Variants in MYO5B observed in about 807,000 individuals in gnomAD.
The protein encoded by MYO5B is unconventional myosin-Vb.
A neutral mutation model predicts 229.3 loss-of-function variants in MYO5B; 143 were observed. The observed-to-expected ratio is 0.62, with a 90% CI of 0.54 to 0.72. MYO5B has a LOEUF of 0.72. MYO5B is among the 30% of genes least tolerant of loss of function. The pLI is 0.00. For synonymous variants in MYO5B, 918 were observed against 885.2 expected (o/e 1.04, Z -0.66); for missense variants, 2,321 against 2,331.0 (o/e 1.00, Z 0.09).
intron 8 of MYO5B, among the ~76,000 whole-genome samples, chr18:49,981,507 G>A (rs1005411229): frequency 5.3e-5 from 8 of 152,178 alleles, no homozygotes; most frequent in African/African-American, 1.9e-4. Flanking sequence ...AGGCTTTTAT[G>A]TTAGATGGCC....
Position 49,929,788 on chromosome 18 carries a change from A to G in MYO5B, c.2004-190T>C, listed in dbSNP as rs909648280. ...GACTAAAAGACACCAATGTGCAGGCACCTGAGCCATCTCAGCATCTTCTGT... is the reference window on the plus strand; with the variant it reads ...GACTAAAAGACACCAATGTGCAGGCGCCTGAGCCATCTCAGCATCTTCTGT... On this transcript the variant is annotated intron_variant, in intron 16 of 39. Transcript: ENST00000285039. Among the ~76,000 whole-genome samples, 3 of 152,138 alleles carry G rather than the reference A, an allele frequency of 2.0e-5. No individual in the cohort carries two copies. The East Asian group carries it at 5.8e-4, about 29-fold the overall frequency.
chr18:50,003,780 G>A (rs2144330745), intron 4 of MYO5B, among the ~76,000 whole-genome samples: 1 of 152,314 alleles, frequency 6.6e-6, no homozygotes, highest in Non-Finnish European at 1.5e-5. Flanking sequence ...GATAAGTTTA[G>A]AATGTATCTA....
At chr18:50,106,059 C>T (rs552927970) in intron 1 of MYO5B, among the ~76,000 whole-genome samples, 4 of 152,162 alleles carry the variant, frequency 2.6e-5, no homozygotes, top group Non-Finnish European at 5.9e-5. Flanking sequence ...CCCCTGCATC[C>T]TCCGCCTGCT....
intron 4 of MYO5B, among the ~76,000 whole-genome samples, chr18:50,003,679 G>A (rs1044971662): frequency 2.6e-5 from 4 of 152,096 alleles, no homozygotes; most frequent in Admixed American, 6.5e-5. Context: ...AACTTCCTGG[G>A]TATCTGCAAT....
At chr18:50,020,644 G>C (rs1026385067) in intron 4 of MYO5B, among the ~76,000 whole-genome samples, 19 of 152,236 alleles carry the variant, frequency 1.2e-4, no homozygotes, top group Non-Finnish European at 7.3e-5. Flanking sequence ...AAGACACGCA[G>C]CAAGGATGTG....
Position 49,836,761 on chromosome 18 carries a change from C to G in MYO5B, c.5263G>C (p.Glu1755Gln). 1 of 1,614,144 alleles carries G rather than the reference C, an allele frequency of 6.2e-7. No individual in the cohort carries two copies. The highest frequency in any genetic ancestry group is 2.2e-5 in the East Asian group (1 of 44,888). The part of the protein sequence containing the change: ...QLLQLKKKTQ[E>Q]DAEAICSLCT... ...AGGGAGCAGATAGCCTCTGCGTCCT[C>G]CTGGGTTTTCTTCTTTAATTGCAGG... The change falls in exon 38 of 40, where the codon GAG (glutamate) becomes CAG (glutamine). Residue 1755 changes from glutamate to glutamine, a missense_variant. Physicochemically the swap from Glu to Gln is conservative, Grantham distance 29. Coordinates refer to ENST00000285039, the MANE Select transcript of MYO5B (RefSeq NM_001080467.3).
intron 4 of MYO5B, among the ~76,000 whole-genome samples, chr18:50,008,142 A>C (rs557446437): frequency 5.3e-5 from 8 of 152,204 alleles, no homozygotes; most frequent in Non-Finnish European, 1.0e-4. Context: ...ACTTAGCCTC[A>C]GTGTAAGTTT....
intron 22 of MYO5B, among the ~76,000 whole-genome samples, chr18:49,886,957 T>C (rs1239213244): frequency 6.6e-6 from 1 of 152,162 alleles, no homozygotes; most frequent in Non-Finnish European, 1.5e-5. Context: ...GGTTTGGACG[T>C]TCATTTCCTC....
rs1347932752 is a variant in MYO5B, at chr18:50,132,649, G to A, written c.27+62118C>T. 5.9e-5 allele frequency among the ~76,000 whole-genome samples: 9 copies of A among 152,072 alleles called. No individual in the cohort carries two copies. The South Asian group carries it at 8.3e-4, about 14-fold the overall frequency. On this transcript the variant is annotated intron_variant, in intron 1 of 39. Coordinates refer to ENST00000285039, the MANE Select transcript of MYO5B (RefSeq NM_001080467.3). ...CTCTTCTCTGCCATCTCTCTTCCTG[G>A]GAATAGGGTTGCCTGCTCAGAATTA...
intron 1 of MYO5B, among the ~76,000 whole-genome samples, chr18:50,073,935 T>C (rs950007037): frequency 6.6e-6 from 1 of 152,148 alleles, no homozygotes; most frequent in African/African-American, 2.4e-5. Flanking sequence ...TCCTTCTCCA[T>C]TCACCCTGCC....
intron 1 of MYO5B, among the ~76,000 whole-genome samples, chr18:50,149,426 T>G (rs2032558963): frequency 6.6e-6 from 1 of 152,094 alleles, no homozygotes; most frequent in Admixed American, 6.5e-5. Flanking sequence ...GCTACCTGAC[T>G]TCAAACTATA....
Position 50,011,074 on chromosome 18 carries a change from G to A in MYO5B, c.456-9663C>T, listed in dbSNP as rs575115099. On this transcript the variant is annotated intron_variant, in intron 4 of 39. Transcript: ENST00000285039. ...GGGCATCATGGTGGCTGGGTGCAGT[G>A]GCTCACGTCTGTAATCCCAGCACTT... Among the ~76,000 whole-genome samples, 4 of 152,282 alleles carry A rather than the reference G, an allele frequency of 2.6e-5. No homozygotes were observed. In the East Asian group the frequency reaches 7.7e-4, roughly 29 times the overall value.
At chr18:49,903,271 GT>G (rs946635428) in intron 20 of MYO5B, among the ~76,000 whole-genome samples, 110 of 147,076 alleles carry the variant, frequency 7.5e-4, no homozygotes, top group Middle Eastern at 3.5e-3. Context: ...GTAATTCACT[GT>G]TTTTTTTTTT....
intron 25 of MYO5B, among the ~76,000 whole-genome samples, chr18:49,877,144 C>CAT (rs2024534504): frequency 6.6e-6 from 1 of 151,952 alleles, no homozygotes; most frequent in Non-Finnish European, 1.5e-5. Flanking sequence ...CACACACGCG[C>CAT]GCATGTGCCT....
At chr18:49,952,757 T>C (rs1418420453) in intron 14 of MYO5B, among the ~76,000 whole-genome samples, 1 of 152,132 alleles carries the variant, frequency 6.6e-6, no homozygotes, top group Non-Finnish European at 1.5e-5. Context: ...GATTTAAGTG[T>C]TCCTTAAATC....
chr18:50,181,032 A>C (rs1599083215), intron 1 of MYO5B, among the ~76,000 whole-genome samples: 1 of 152,200 alleles, frequency 6.6e-6, no homozygotes, highest in East Asian at 1.9e-4. Flanking sequence ...CTGACACAGC[A>C]GGGGGAAGAG....
chr18:50,111,410 G>T (rs1194353857), intron 1 of MYO5B, among the ~76,000 whole-genome samples: 1 of 152,210 alleles, frequency 6.6e-6, no homozygotes, highest in African/African-American at 2.4e-5. Flanking sequence ...ACACACCCAT[G>T]TCAAGATTAT....
At chr18:49,838,273 A>G (rs954758963) in intron 36 of MYO5B, among the ~76,000 whole-genome samples, 6 of 152,182 alleles carry the variant, frequency 3.9e-5, no homozygotes, top group Admixed American at 3.3e-4. Context: ...GAGGAAGTTG[A>G]GGTATAAAGC....
At chr18:49,995,285 C>T (rs1473333343) in intron 5 of MYO5B, among the ~76,000 whole-genome samples, 4 of 140,220 alleles carry the variant, frequency 2.9e-5, no homozygotes, top group East Asian at 4.2e-4. Flanking sequence ...GATGGAGTCT[C>T]GCTCAGTCTC....
Sources: gnomAD v4.1 joint callset for allele counts (sites outside exome capture counted in the v4.1 genomes callset) on GRCh38, gnomAD v4.1.1 for gene constraint, MANE v1.5 for transcripts, NCBI Gene and HGNC (gene_info 2026-07-23, HGNC 2026-07-21) for gene names.